Variants in TRHDE observed in about 807,000 individuals in gnomAD.
The protein encoded by TRHDE is thyrotropin releasing hormone degrading enzyme.
In TRHDE, 72 loss-of-function variants were observed where a neutral mutation model predicts 125.7. That is an observed-to-expected ratio of 0.57 (90% CI 0.47 to 0.70). The LOEUF is 0.70. Among genes scored for constraint, TRHDE ranks in the 30% least tolerant of loss-of-function variants. TRHDE has a pLI of 0.00. For synonymous variants in TRHDE, 509 were observed against 509.1 expected, an observed-to-expected ratio of 1.00 and a Z score of 0.00; for missense variants, 1,110 against 1,327.1, an observed-to-expected ratio of 0.84 and a Z score of 2.54.
intron 3 of TRHDE, among the ~76,000 whole-genome samples, chr12:72,398,590 G>A (rs534426916): frequency 1.3e-5 from 2 of 152,194 alleles, no homozygotes; most frequent in African/African-American, 2.4e-5. Context: ...CATTAGATAA[G>A]AGAATTATCA....
At chr12:72,217,678 G>C (rs905769246) in intron 2 of TRHDE, among the ~76,000 whole-genome samples, 1 of 152,148 alleles carries the variant, frequency 6.6e-6, no homozygotes, top group African/African-American at 2.4e-5. Context: ...GATCTCTGCA[G>C]ATTCAACAGA....
intron 2 of TRHDE, among the ~76,000 whole-genome samples, chr12:72,318,587 T>A (rs1565696596): frequency 6.6e-6 from 1 of 152,064 alleles, no homozygotes; most frequent in Admixed American, 6.6e-5. Flanking sequence ...CAGCTGTGAG[T>A]GTGAGGCTAA....
chr12:72,198,740 A>G (rs776970996), intron 2 of TRHDE, among the ~76,000 whole-genome samples: 4 of 152,160 alleles, frequency 2.6e-5, no homozygotes, highest in Non-Finnish European at 5.9e-5. Flanking sequence ...ATATTTTCCA[A>G]ATACTTTCTG....
chr12:72,632,808 A>G (rs1156827883), intron 15 of TRHDE, among the ~76,000 whole-genome samples: 1 of 145,684 alleles, frequency 6.9e-6, no homozygotes, highest in Non-Finnish European at 1.5e-5. Context: ...GTAGGTCTTT[A>G]TCATTCTTGC....
rs946836727 is a variant in TRHDE at position 72,377,063 on chromosome 12, T to C, written c.1189-932T>C. ...GTTCAATATCACCCACCTTGGTTAG[T>C]GGCAGAGTAGGACTAAAATCCAACT... On this transcript the variant is annotated intron_variant, in intron 2 of 18. Coordinates refer to ENST00000261180, the MANE Select transcript of TRHDE (RefSeq NM_013381.3). Among the ~76,000 whole-genome samples, 59 of 152,136 alleles carry C rather than the reference T, an allele frequency of 3.9e-4. 1 individual carries two copies. Among genetic ancestry groups the C allele is most frequent in the Admixed American group, 3.7e-3 (56 of 15,250 alleles).
intron 3 of TRHDE, among the ~76,000 whole-genome samples, chr12:72,453,839 G>T (rs1475646832): frequency 6.6e-6 from 1 of 152,166 alleles, no homozygotes; most frequent in Non-Finnish European, 1.5e-5. Context: ...GATTCAGAGG[G>T]TGTAAGCCAT....
chr12:72,427,049 A>G (rs939487717), intron 3 of TRHDE, among the ~76,000 whole-genome samples: 8 of 152,080 alleles, frequency 5.3e-5, no homozygotes, highest in African/African-American at 1.4e-4. Flanking sequence ...GGCAAATTAT[A>G]TTATCTGGGC....
At chr12:72,514,816 T>C (rs1237862854) in intron 6 of TRHDE, among the ~76,000 whole-genome samples, 5 of 115,492 alleles carry the variant, frequency 4.3e-5, no homozygotes, top group African/African-American at 1.7e-4. Flanking sequence ...GTCCCCAGAG[T>C]GTGATGTTCC....
chr12:72,333,016 A>T (rs938802229), intron 2 of TRHDE, among the ~76,000 whole-genome samples: 3 of 152,260 alleles, frequency 2.0e-5, no homozygotes, highest in African/African-American at 7.2e-5. Context: ...GACTTAGGAG[A>T]TGAATACATT....
At chr12:72,181,003 T>C (rs985910737) in intron 2 of TRHDE, among the ~76,000 whole-genome samples, 2 of 152,174 alleles carry the variant, frequency 1.3e-5, no homozygotes, top group African/African-American at 4.8e-5. Context: ...GCTAATGACC[T>C]GGTAATTGTT....
chr12:72,422,427 A>T (rs575670441), intron 3 of TRHDE, among the ~76,000 whole-genome samples: 8 of 152,224 alleles, frequency 5.3e-5, no homozygotes, highest in Non-Finnish European at 5.9e-5. Flanking sequence ...AGTGACTGAG[A>T]CATTTTGATT....
chr12:72,269,627 G>C (rs909459189), upstream of TRHDE, among the ~76,000 whole-genome samples: 6 of 152,122 alleles, frequency 3.9e-5, no homozygotes, highest in South Asian at 1.2e-3. Flanking sequence ...GAAAGATGAA[G>C]AGAACTGGGT....
intron 3 of TRHDE, among the ~76,000 whole-genome samples, chr12:72,437,182 T>A (rs777503357): frequency 1.8e-4 from 28 of 151,842 alleles, no homozygotes; most frequent in Non-Finnish European, 3.1e-4. Context: ...AAAAGTATCT[T>A]CTTATTAATT....
intron 2 of TRHDE, among the ~76,000 whole-genome samples, chr12:72,157,934 G>A (rs1214450138): frequency 6.6e-6 from 1 of 152,164 alleles, no homozygotes; most frequent in Non-Finnish European, 1.5e-5. Flanking sequence ...GATGGGAAAA[G>A]GCAAGAGGTA....
chr12:72,166,136 A>G (rs1876741888), intron 2 of TRHDE, among the ~76,000 whole-genome samples: 1 of 152,134 alleles, frequency 6.6e-6, no homozygotes, highest in African/African-American at 2.4e-5. Flanking sequence ...TGTACTGAGT[A>G]CTGTAAGCAA....
At chr12:72,309,321 C>A (rs1211656457) in intron 2 of TRHDE, among the ~76,000 whole-genome samples, 1 of 152,090 alleles carries the variant, frequency 6.6e-6, no homozygotes, top group Non-Finnish European at 1.5e-5. Context: ...GAGAGGTAGT[C>A]AGACACAATT....
chr12:72,155,369 C>T (rs1201834212), intron 2 of TRHDE, among the ~76,000 whole-genome samples: 1 of 151,990 alleles, frequency 6.6e-6, no homozygotes, highest in Non-Finnish European at 1.5e-5. Context: ...GTAGTTTGAT[C>T]GTCTGAAGCC....
intron 2 of TRHDE, among the ~76,000 whole-genome samples, chr12:72,205,817 G>A (rs990967972): frequency 6.6e-6 from 1 of 152,198 alleles, no homozygotes; most frequent in Non-Finnish European, 1.5e-5. Flanking sequence ...GAACGTGGAT[G>A]TTCAAATATC....
intron 2 of TRHDE, chr12:72,253,420 T>C (rs1462697040): frequency 6.6e-6 from 1 of 152,276 alleles, no homozygotes; most frequent in Non-Finnish European, 1.5e-5. Flanking sequence ...CTGTGTTGAA[T>C]AGGAGTGGTG....
Sources: gnomAD v4.1 joint callset for allele counts (sites outside exome capture counted in the v4.1 genomes callset) on GRCh38, gnomAD v4.1.1 for gene constraint, MANE v1.5 for transcripts, NCBI Gene and HGNC (gene_info 2026-07-23, HGNC 2026-07-21) for gene names.